Variants in MYH10 observed in about 807,000 individuals in gnomAD.
The protein encoded by MYH10 is myosin-10.
In MYH10, 55 loss-of-function variants were observed where a neutral mutation model predicts 257.8. That is an observed-to-expected ratio of 0.21 (90% CI 0.17 to 0.27). The LOEUF (loss-of-function observed/expected upper bound fraction) is 0.27. Ranked by LOEUF, MYH10 falls within the 10% of genes least tolerant of loss-of-function variation. The pLI, the probability that MYH10 is intolerant of heterozygous loss-of-function variation, is 1.00. For synonymous variants in MYH10, 854 were observed against 921.7 expected (o/e 0.93, Z 1.33); for missense variants, 1,631 against 2,500.6 (o/e 0.65, Z 7.42).
chr17:8,557,732 T>C (rs1362977222), intron 7 of MYH10, among the ~76,000 whole-genome samples: 3 of 152,102 alleles, frequency 2.0e-5, no homozygotes, highest in Non-Finnish European at 4.4e-5. Context: ...TGCTACATCT[T>C]ACAAAGTCAT....
intron 7 of MYH10, chr17:8,560,954 G>A (rs1242314852): frequency 8.5e-6 from 4 of 473,254 alleles, no homozygotes; most frequent in Non-Finnish European, 1.6e-5. Context: ...TGCCAACTGC[G>A]GACAACTCTA....
chr17:8,520,274 A>T (rs2081609304), intron 19 of MYH10, among the ~76,000 whole-genome samples: 1 of 152,156 alleles, frequency 6.6e-6, no homozygotes, highest in South Asian at 2.1e-4. Flanking sequence ...CCGAGGCGGG[A>T]TCACGAGGTC....
rs561698998 is a variant in MYH10, at chr17:8,566,391, G to A, written c.756+3329C>T. The stretch of plus-strand genomic sequence containing the variant: ...AAGAAGGCATGTGATTTCCAAGGCA[G>A]AGTGTGTAACTTCTGTCTTTCTCTT... On this transcript the variant is annotated intron_variant, in intron 7 of 42. Transcript: ENST00000360416. Among the ~76,000 whole-genome samples, 5 of 152,340 alleles carry A rather than the reference G, an allele frequency of 3.3e-5. No individual in the cohort carries two copies. In the South Asian group the frequency reaches 8.3e-4, roughly 25 times the overall value.
chr17:8,548,290 A>G (rs1343471965), intron 11 of MYH10, 23 bp downstream of exon 11: 1 of 1,555,086 alleles, frequency 6.4e-7, no homozygotes, highest in Non-Finnish European at 8.8e-7. Context: ...AAACAGAAAT[A>G]AAGTCAGTAT....
chr17:8,587,315 G>A (rs760941505), intron 4 of MYH10, among the ~76,000 whole-genome samples: 1 of 152,146 alleles, frequency 6.6e-6, no homozygotes, highest in Non-Finnish European at 1.5e-5. Context: ...GTTTCAGCGT[G>A]ATTTGCTGTT....
At position 8,508,547 on chromosome 17, in the gene MYH10, T is replaced by C. The variant is rs144558282; in HGVS notation, c.3214+7A>G. On this transcript the variant is annotated splice_region_variant and intron_variant, in intron 26 of 42. Transcript: ENST00000360416. ...AGTCCCTGATTTCTCTAGCCCCAAA[T>C]ACTAACCTTCTAAATCTGAGATCAT... 1.3e-4 allele frequency: 204 copies of C among 1,614,024 alleles called. No individual in the cohort carries two copies. In the African/African-American group the frequency reaches 2.4e-3, roughly 19 times the overall value.
intron 3 of MYH10, among the ~76,000 whole-genome samples, chr17:8,599,439 G>GT (rs1222319818): frequency 6.6e-6 from 1 of 152,034 alleles, no homozygotes; most frequent in Non-Finnish European, 1.5e-5. Flanking sequence ...AATAGCAACT[G>GT]TTTTAAATAT....
In MYH10 at chr17:8,504,834, T is replaced by G; in HGVS notation, c.3459A>C (p.Glu1153Asp). 6.2e-7 allele frequency: 1 copy of G among 1,614,230 alleles called. No individual in the cohort carries two copies. The highest frequency in any genetic ancestry group is 8.5e-7 in the Non-Finnish European group (1 of 1,180,034). The change falls in exon 28 of 43, where the codon GAA becomes GAC. Residue 1153 changes from glutamate to aspartate, a missense_variant. Coordinates refer to ENST00000360416, the MANE Select transcript of MYH10 (RefSeq NM_001256012.3). This position sits in a 1 kb window ranked among gnomAD's most constrained non-coding sequence, Gnocchi z 5.6. ...VVRELQAQIA[E>D]LQEDFESEKA... ...TCTCGGATTCAAAGTCTTCCTGAAG[T>G]TCAGCAATTTGGGCTTGTAGCTCTC...
In MYH10 at chr17:8,552,016, T is replaced by C; in HGVS notation, c.919+30A>G. 4.0e-6 allele frequency: 5 copies of C among 1,251,972 alleles called. No individual in the cohort carries two copies. Among genetic ancestry groups the C allele is most frequent in the Non-Finnish European group, 5.5e-6 (5 of 913,836 alleles). 77.6% of individuals were successfully genotyped at this position (1,251,972 alleles called of 1,614,324 possible). A position where few individuals can be genotyped will look rare whatever the true frequency, so the allele number is the denominator to read the frequency against. ...AAATTAAAAGAGATATTCCAGTGAATATAAAATAGTAAAAACCTTTGTAAC... is the reference window on the plus strand; with the variant it reads ...AAATTAAAAGAGATATTCCAGTGAACATAAAATAGTAAAAACCTTTGTAAC... On this transcript the variant is annotated intron_variant, in intron 9 of 42. Coordinates refer to ENST00000360416, the MANE Select transcript of MYH10 (RefSeq NM_001256012.3). The surrounding 1 kb of genome is among the most constrained non-coding windows in gnomAD (Gnocchi z 4.8).
chr17:8,630,020 G>T (rs903610579), intron 1 of MYH10, among the ~76,000 whole-genome samples: 5 of 151,664 alleles, frequency 3.3e-5, no homozygotes, highest in Non-Finnish European at 5.9e-5. Context: ...GGCGCGCGCC[G>T]CCCGCCTTCC....
chr17:8,623,960 C>T (rs2085573711), intron 1 of MYH10, among the ~76,000 whole-genome samples: 2 of 152,154 alleles, frequency 1.3e-5, no homozygotes, highest in African/African-American at 4.8e-5. Flanking sequence ...CTCCTCCACC[C>T]CTCATTCACC....
At chr17:8,480,641 TTC>T (rs1231041087) in intron 38 of MYH10, 116 bp from the exon 39 acceptor site, 9 of 1,410,812 alleles carry the variant, frequency 6.4e-6, no homozygotes, top group Non-Finnish European at 8.7e-6. Context: ...ATCCTGAATT[TTC>T]TCTTTCCCCT....
chr17:8,513,106 C>A (rs1168991276), intron 23 of MYH10, among the ~76,000 whole-genome samples: 2 of 152,188 alleles, frequency 1.3e-5, no homozygotes, highest in Non-Finnish European at 2.9e-5. Context: ...ATGAAGAAAA[C>A]TTCCCAGAAG....
chr17:8,530,047 C>G (rs1030165317), intron 17 of MYH10, among the ~76,000 whole-genome samples: 1 of 152,284 alleles, frequency 6.6e-6, no homozygotes, highest in East Asian at 1.9e-4. Context: ...TAGATAGTTT[C>G]AGGGCCTCTG....
chr17:8,503,300 A>T (rs201810166), intron 28 of MYH10, among the ~76,000 whole-genome samples: 2 of 150,364 alleles, frequency 1.3e-5, no homozygotes, highest in African/African-American at 4.9e-5. Context: ...ATATAAAATA[A>T]AAAATAAAAT....
intron 2 of MYH10, among the ~76,000 whole-genome samples, chr17:8,619,376 G>A (rs1704779851): frequency 6.6e-6 from 1 of 151,990 alleles, no homozygotes; most frequent in South Asian, 2.1e-4. Flanking sequence ...CTTTTGAACC[G>A]TCACTACAAA....
rs185507628 is a variant in MYH10, at chr17:8,600,226, C to T, written c.502+4600G>A. ...CCAAACAAGAATAACCAATGAACAA[C>T]GGGACAAGGGAGGGGTTTAGGAAAT... On this transcript the variant is annotated intron_variant, in intron 3 of 42. Transcript: ENST00000360416. 1.4e-4 allele frequency among the ~76,000 whole-genome samples: 22 copies of T among 152,174 alleles called. No homozygotes were observed. The South Asian group carries it at 2.9e-3, about 20-fold the overall frequency.
intron 1 of MYH10, among the ~76,000 whole-genome samples, chr17:8,626,047 A>G (rs546020322): frequency 2.6e-3 from 390 of 152,332 alleles, no homozygotes; most frequent in African/African-American, 8.9e-3. Context: ...AAATCACACA[A>G]CATGTGATTA....
intron 40 of MYH10, among the ~76,000 whole-genome samples, chr17:8,479,316 G>C (rs576173268): frequency 1.3e-5 from 2 of 152,100 alleles, no homozygotes; most frequent in African/African-American, 4.8e-5. Flanking sequence ...CATCTACGTC[G>C]TCCCATATGA....
Sources: gnomAD v4.1 joint callset for allele counts (sites outside exome capture counted in the v4.1 genomes callset) on GRCh38, gnomAD v4.1.1 for gene constraint, Gnocchi (gnomAD v3.1) non-coding constraint, MANE v1.5 for transcripts, NCBI Gene and HGNC (gene_info 2026-07-23, HGNC 2026-07-21) for gene names.